The following PHYKPL variants were observed in gnomAD, a reference collection of about 807,000 sequenced individuals.
PHYKPL encodes the protein 5-phosphohydroxy-L-lysine phospho-lyase, also known as 5-phosphonooxy-L-lysine phospho-lyase.
A neutral mutation model predicts 51.3 loss-of-function variants in PHYKPL; 42 were observed. That is an observed-to-expected ratio of 0.82 (90% CI 0.64 to 1.06). PHYKPL has a LOEUF of 1.06. Among genes scored for constraint, PHYKPL ranks in the 50% least tolerant of loss-of-function variants. The pLI, the probability that PHYKPL is intolerant of heterozygous loss-of-function variation, is 0.00. For missense variants in PHYKPL, 655 were observed against 586.6 expected, an observed-to-expected ratio of 1.12 and a Z score of -1.20; for synonymous variants, 264 against 236.0, an observed-to-expected ratio of 1.12 and a Z score of -1.09.
In PHYKPL at chr5:178,231,508, G is replaced by C; in HGVS notation, c.75C>G (p.Leu25=). 6.2e-7 allele frequency: 1 copy of C among 1,614,182 alleles called. No homozygotes were observed. Among genetic ancestry groups the C allele is most frequent in the Non-Finnish European group, 8.5e-7 (1 of 1,180,010 alleles). The change falls in exon 2 of 13, where the codon CTC becomes CTG. Residue 25 remains leucine (L), a synonymous_variant. Coordinates refer to ENST00000308158, the MANE Select transcript of PHYKPL (RefSeq NM_153373.4). ...TCTTAACAGGATCCTCGGGAAAAAAGAGTCTGCAGGAAGAGCTGTGGGGAC... is the reference window on the plus strand; with the variant it reads ...TCTTAACAGGATCCTCGGGAAAAAACAGTCTGCAGGAAGAGCTGTGGGGAC... ...RQRLISSSCR[L]FFPEDPVKIV...
At chr5:178,212,794 A>T (rs1047103118) in intron 11 of PHYKPL, among the ~76,000 whole-genome samples, 179 bp downstream of exon 11, 1 of 152,226 alleles carries the variant, frequency 6.6e-6, no homozygotes, top group Non-Finnish European at 1.5e-5. Context: ...TCTTAGGTAC[A>T]GGCAGGAATA....
In PHYKPL at chr5:178,232,772, C is replaced by A; in HGVS notation, c.-222G>T. On this transcript the variant is annotated 5_prime_UTR_variant, in exon 1 of 13. Transcript: ENST00000308158. ...CGGCCCGTGGTCGTGCCTTGGCAGT[C>A]CCGCGCAGGAACTCGAGCGCTGCCC... The A allele has an allele frequency of 2.4e-6, 1 of 424,360 alleles. No individual in the cohort carries two copies. The highest frequency in any genetic ancestry group is 3.8e-6 in the Non-Finnish European group (1 of 266,330). The allele number at this position is 424,360 out of a possible 1,614,324, so 26.3% of individuals were successfully genotyped here. A position where few individuals can be genotyped will look rare whatever the true frequency, so the allele number is the denominator to read the frequency against.
intron 8 of PHYKPL, among the ~76,000 whole-genome samples, chr5:178,219,407 CAATA>C (rs1760640858): frequency 1.4e-5 from 2 of 146,786 alleles, no homozygotes. Flanking sequence ...ACTGGTAACT[CAATA>C]AAAAAAAAAT....
Position 178,222,889 on chromosome 5 carries a change from T to G in PHYKPL, c.664A>C (p.Ile222Leu), listed in dbSNP as rs1197262113. The change falls in exon 7 of 13, where the codon ATC becomes CTC. Residue 222 changes from isoleucine to leucine, a missense_variant. Physicochemically the swap from Ile to Leu is conservative, Grantham distance 5 (BLOSUM62 2). Transcript: ENST00000308158. Reference protein sequence around the residue: ...AESLPSVGGQIIPPAGYFSQV... With the variant: ...AESLPSVGGQLIPPAGYFSQV... Reference sequence around the variant, plus strand: ...GAGAAGTAGCCAGCAGGGGGAATGATCTGCCCTCCCACACTGGGCAGAGAC... The same window carrying G: ...GAGAAGTAGCCAGCAGGGGGAATGAGCTGCCCTCCCACACTGGGCAGAGAC... 6.2e-7 allele frequency: 1 copy of G among 1,614,132 alleles called. No homozygotes were observed. The highest frequency in any genetic ancestry group is 8.5e-7 in the Non-Finnish European group (1 of 1,180,014).
At chr5:178,227,069 C>G (rs1762443316) in intron 3 of PHYKPL, among the ~76,000 whole-genome samples, 1 of 152,094 alleles carries the variant, frequency 6.6e-6, no homozygotes, top group African/African-American at 2.4e-5. Flanking sequence ...GCTGCACCCC[C>G]CCACCCCCAA....
chr5:178,214,808 T>C lies in PHYKPL; in HGVS notation c.1160A>G (p.Tyr387Cys). The C allele has an allele frequency of 6.2e-7, 1 of 1,613,962 alleles. No individual in the cohort carries two copies. Residue 387 changes from tyrosine to cysteine, a missense_variant, in exon 10 of 13, where the codon TAC (tyrosine) becomes TGC (cysteine). By Grantham distance (194) the Tyr-to-Cys change is radical (BLOSUM62 -2). Coordinates refer to ENST00000308158, the MANE Select transcript of PHYKPL (RefSeq NM_153373.4). ...AAGAAGAAAATACCTTGATACCAAG[T>C]AGGCAGCCTCTTCAGTTGCTGGTGT... ...TRTPATEEAAYLVSRLKENYV... is the reference protein window; with the variant it reads ...TRTPATEEAACLVSRLKENYV...
downstream of PHYKPL, among the ~76,000 whole-genome samples, chr5:178,207,814 C>T (rs1218273698): frequency 6.6e-6 from 1 of 150,440 alleles, no homozygotes; most frequent in Non-Finnish European, 1.5e-5. Context: ...CGGATCCTCC[C>T]ATCTCAGCCT....
At chr5:178,227,609 G>A (rs551335100) in intron 3 of PHYKPL, among the ~76,000 whole-genome samples, 1 of 152,342 alleles carries the variant, frequency 6.6e-6, no homozygotes, top group Admixed American at 6.5e-5. Flanking sequence ...CAGGGTAGGA[G>A]AGGAAGTGGG....
chr5:178,208,224 A>G (rs1018736347), downstream of PHYKPL, among the ~76,000 whole-genome samples: 3 of 152,180 alleles, frequency 2.0e-5, no homozygotes, highest in African/African-American at 7.2e-5. Flanking sequence ...GTTTCTGAGC[A>G]GGAGTTGGCA....
At chr5:178,225,848 C>T (rs1762179510) in intron 3 of PHYKPL, 1 of 173,192 alleles carries the variant, frequency 5.8e-6, no homozygotes, top group South Asian at 1.0e-4. Context: ...AATTCCAACA[C>T]TATCTACCTA....
Position 178,232,501 on chromosome 5 carries a change from C to T in PHYKPL, c.50G>A (p.Arg17Gln), listed in dbSNP as rs775334446. ...PKADTLALRQ[R>Q]LISSSCRLFF... ...CCCCCCGCCCGGGTACCTGATGAGC[C>T]GTTGCCTCAGGGCCAGCGTGTCGGC... The change falls in exon 1 of 13, where the codon CGG (arginine) becomes CAG (glutamine). Residue 17 changes from arginine to glutamine, a missense_variant. By Grantham distance (43) the Arg-to-Gln change is conservative. Transcript: ENST00000308158. 3.0e-6 allele frequency: 4 copies of T among 1,354,982 alleles called. No individual in the cohort carries two copies. The highest frequency in any genetic ancestry group is 4.0e-5 in the Admixed American group (1 of 25,244). The allele number at this position is 1,354,982 out of a possible 1,614,324, so 83.9% of individuals were successfully genotyped here. A position where few individuals can be genotyped will look rare whatever the true frequency, so the allele number is the denominator to read the frequency against.
At chr5:178,217,154 A>G (rs1759967449) in intron 8 of PHYKPL, among the ~76,000 whole-genome samples, 1 of 152,242 alleles carries the variant, frequency 6.6e-6, no homozygotes, top group Non-Finnish European at 1.5e-5. Context: ...AAATTATTAA[A>G]AATCAATCAG....
At chr5:178,226,903 ATGTG>A (rs1259901612) in intron 3 of PHYKPL, among the ~76,000 whole-genome samples, 1 of 151,436 alleles carries the variant, frequency 6.6e-6, no homozygotes, top group Non-Finnish European at 1.5e-5. Flanking sequence ...GTTTGTATAT[ATGTG>A]TGTCTGTGTA....
In PHYKPL at chr5:178,208,643, C is replaced by G. The variant is rs1218345531; in HGVS notation, c.*304G>C. ...TGTCAGGATTTTCTTTAGAAATACA[C>G]TGGTCTGGTCTAATTTATTTAAGCA... is the stretch of plus-strand genomic sequence containing the variant. On this transcript the variant is annotated 3_prime_UTR_variant, in exon 13 of 13. Coordinates refer to ENST00000308158, the MANE Select transcript of PHYKPL (RefSeq NM_153373.4). 1 of 152,210 alleles carries G rather than the reference C, an allele frequency of 6.6e-6. No homozygotes were observed. Among genetic ancestry groups the G allele is most frequent in the Non-Finnish European group, 1.5e-5 (1 of 68,052 alleles). 9.4% of individuals were successfully genotyped at this position (152,210 alleles called of 1,614,324 possible).
chr5:178,209,546 G>A (rs552778729), intron 12 of PHYKPL: 9 of 1,036,402 alleles, frequency 8.7e-6, no homozygotes, highest in Non-Finnish European at 1.3e-5. Flanking sequence ...CAGCAGGGGT[G>A]GGCAGATTGT....
chr5:178,232,458 C>G lies in PHYKPL; in HGVS notation c.59+34G>C, dbSNP rs183623891. 5.3e-4 allele frequency: 732 copies of G among 1,376,034 alleles called. 6 individuals carry two copies. The African/African-American group carries it at 9.8e-3, about 18-fold the overall frequency. 85.2% of individuals were successfully genotyped at this position (1,376,034 alleles called of 1,614,324 possible). A position where few individuals can be genotyped will look rare whatever the true frequency, so the allele number is the denominator to read the frequency against. On this transcript the variant is annotated intron_variant, in intron 1 of 12. Coordinates refer to ENST00000308158, the MANE Select transcript of PHYKPL (RefSeq NM_153373.4). Reference sequence around the variant, plus strand: ...GTGCGCGTGCCTCTCCGCGCAGCCCCGCGCCCCCCGCCGCCCGCCCCCCGC... The same window carrying G: ...GTGCGCGTGCCTCTCCGCGCAGCCCGGCGCCCCCCGCCGCCCGCCCCCCGC...
intron 8 of PHYKPL, among the ~76,000 whole-genome samples, chr5:178,219,768 G>T (rs879896537): frequency 6.6e-6 from 1 of 151,712 alleles, no homozygotes; most frequent in Non-Finnish European, 1.5e-5. Flanking sequence ...GCATTTCATT[G>T]AAGAGCAAAC....
At chr5:178,232,143 G>A (rs1050357536) in intron 1 of PHYKPL, 6 of 1,197,920 alleles carry the variant, frequency 5.0e-6, no homozygotes, top group Admixed American at 3.9e-5. Flanking sequence ...CACCCTGGGT[G>A]AGGTCCTCTC....
chr5:178,228,353 G>A (rs1307096672), intron 3 of PHYKPL: 4 of 589,338 alleles, frequency 6.8e-6, no homozygotes, highest in Non-Finnish European at 1.2e-5. Context: ...CTTCCGGAGA[G>A]TGGTAACTGT....
Sources: allele counts gnomAD v4.1 joint callset (sites outside exome capture counted in the v4.1 genomes callset), GRCh38; gene constraint gnomAD v4.1.1; transcripts MANE v1.5; gene names NCBI Gene and HGNC (gene_info 2026-07-23, HGNC 2026-07-21).